Variants in TENM4 observed in about 807,000 individuals in gnomAD.
TENM4 encodes teneurin-4.
A neutral mutation model predicts 243.3 loss-of-function variants in TENM4; 82 were observed. That is an observed-to-expected ratio of 0.34 (90% confidence interval 0.28 to 0.40). The LOEUF is 0.40. Among genes scored for constraint, TENM4 ranks in the 10% least tolerant of loss-of-function variants. The pLI, the probability that TENM4 is intolerant of heterozygous loss-of-function variation, is 1.00. For missense variants in TENM4, 3,138 were observed against 3,673.3 expected, an observed-to-expected ratio of 0.85 and a Z score of 3.77; for synonymous variants, 1,412 against 1,456.3, an observed-to-expected ratio of 0.97 and a Z score of 0.69.
At chr11:79,330,408 A>G (rs1857043165) in intron 1 of TENM4, among the ~76,000 whole-genome samples, 2 of 152,144 alleles carry the variant, frequency 1.3e-5, no homozygotes, top group African/African-American at 4.8e-5. Flanking sequence ...CCTGAAAGGC[A>G]GGGGGCTAGG....
intron 6 of TENM4, chr11:79,021,851 G>C (rs1439238527): frequency 6.6e-6 from 1 of 152,214 alleles, no homozygotes; most frequent in Non-Finnish European, 1.5e-5. Context: ...TAACATTCTA[G>C]AATGCCATGA....
At chr11:78,868,292 C>T (rs1591084526) in intron 9 of TENM4, among the ~76,000 whole-genome samples, 1 of 152,146 alleles carries the variant, frequency 6.6e-6, no homozygotes, top group African/African-American at 2.4e-5. Flanking sequence ...TCCTCAAGTA[C>T]ACTCAAAGTG....
intron 1 of TENM4, among the ~76,000 whole-genome samples, chr11:79,319,429 T>C (rs1453546380): frequency 1.3e-5 from 2 of 152,128 alleles, no homozygotes; most frequent in Admixed American, 6.5e-5. Context: ...AGTGTTTAAA[T>C]GAACAGCATG....
chr11:79,092,601 G>A (rs1860985450), intron 4 of TENM4, among the ~76,000 whole-genome samples: 2 of 152,188 alleles, frequency 1.3e-5, no homozygotes, highest in Non-Finnish European at 2.9e-5. Context: ...AAGGGTTCAT[G>A]CTGCTTATTT....
At chr11:78,899,571 GAAAA>G (rs71473386) in intron 7 of TENM4, among the ~76,000 whole-genome samples, 4 of 79,416 alleles carry the variant, frequency 5.0e-5, no homozygotes, top group Admixed American at 1.5e-4. Context: ...GGGGGGGGGG[GAAAA>G]AGAAAAAAGA....
intron 2 of TENM4, among the ~76,000 whole-genome samples, chr11:79,227,484 A>G (rs1590809747): frequency 6.6e-6 from 1 of 152,198 alleles, no homozygotes; most frequent in Non-Finnish European, 1.5e-5. Context: ...TGTAGCCTCC[A>G]GGACAGTGAA....
chr11:79,373,976 TG>T (rs1857838653), intron 1 of TENM4, among the ~76,000 whole-genome samples: 1 of 152,024 alleles, frequency 6.6e-6, no homozygotes, highest in African/African-American at 2.4e-5. Context: ...CATCCAAGGC[TG>T]GGGCAGGAAA....
intron 12 of TENM4, among the ~76,000 whole-genome samples, chr11:78,846,086 T>C (rs950053764): frequency 6.6e-6 from 1 of 152,152 alleles, no homozygotes; most frequent in South Asian, 2.1e-4. Flanking sequence ...CTCCAGAAAC[T>C]TGGATTTAGA....
At chr11:78,783,281 G>T (rs891432457) in intron 16 of TENM4, among the ~76,000 whole-genome samples, 6 of 152,338 alleles carry the variant, frequency 3.9e-5, no homozygotes, top group South Asian at 2.1e-4. Context: ...TATGCACTTG[G>T]TGACTCTCTG....
At chr11:79,275,363 G>C (rs1856037639) in intron 2 of TENM4, among the ~76,000 whole-genome samples, 1 of 152,166 alleles carries the variant, frequency 6.6e-6, no homozygotes, top group African/African-American at 2.4e-5. Flanking sequence ...GCAAAGTTTG[G>C]TGCTTTTAAG....
chr11:78,787,365 G>A (rs1004746720), intron 15 of TENM4, among the ~76,000 whole-genome samples: 1 of 152,162 alleles, frequency 6.6e-6, no homozygotes, highest in Non-Finnish European at 1.5e-5. Flanking sequence ...AGGATTGTAG[G>A]GCTCTGCTCA....
intron 3 of TENM4, among the ~76,000 whole-genome samples, chr11:79,152,540 G>T (rs1339686580): frequency 1.3e-5 from 2 of 152,186 alleles, no homozygotes; most frequent in Non-Finnish European, 2.9e-5. Flanking sequence ...ACAGCGTCTA[G>T]AACTTTAGCA....
chr11:78,670,972 C>T (rs1284026985), intron 31 of TENM4, among the ~76,000 whole-genome samples: 2 of 152,228 alleles, frequency 1.3e-5, no homozygotes, highest in African/African-American at 4.8e-5. Flanking sequence ...AGCAGTCTGG[C>T]TTCCTTGCCC....
At chr11:78,822,998 T>C (rs1046824142) in intron 12 of TENM4, among the ~76,000 whole-genome samples, 12 of 152,270 alleles carry the variant, frequency 7.9e-5, no homozygotes, top group Middle Eastern at 3.4e-3. Context: ...GAGGTTAGCC[T>C]CCTTCCTGGC....
At position 79,153,034 on chromosome 11, in the gene TENM4, C is replaced by T. The variant is rs189382966; in HGVS notation, c.-162-4228G>A. On this transcript the variant is annotated intron_variant, in intron 3 of 33. Transcript: ENST00000278550. Reference sequence around the variant, plus strand: ...TGGCTTTCCATCACTTGCCTTACTGCGGGGAAAGTTTGTTGTGATGTCTCT... The same window carrying T: ...TGGCTTTCCATCACTTGCCTTACTGTGGGGAAAGTTTGTTGTGATGTCTCT... Among the ~76,000 whole-genome samples the T allele has an allele frequency of 1.1e-4, 16 of 152,198 alleles. No individual in the cohort carries two copies. In the East Asian group the frequency reaches 1.9e-3, roughly 18 times the overall value.
At chr11:79,164,831 AC>A (rs1197167034) in intron 3 of TENM4, among the ~76,000 whole-genome samples, 1 of 151,566 alleles carries the variant, frequency 6.6e-6, no homozygotes, top group Non-Finnish European at 1.5e-5. Flanking sequence ...AGTGCCTTTC[AC>A]CTCGTGCCAT....
Position 79,097,944 on chromosome 11 carries a change from A to G in TENM4, c.-65-27935T>C, listed in dbSNP as rs553447862. 2.1e-3 allele frequency: 326 copies of G among 152,356 alleles called. 1 individual carries two copies. Among genetic ancestry groups the G allele is most frequent in the African/African-American group, 7.4e-3 (307 of 41,582 alleles). 9.4% of individuals were successfully genotyped at this position (152,356 alleles called of 1,614,324 possible). A position where few individuals can be genotyped will look rare whatever the true frequency, so the allele number is the denominator to read the frequency against. On this transcript the variant is annotated intron_variant, in intron 4 of 33. Transcript: ENST00000278550. Reference sequence around the variant, plus strand: ...ACTGACCACCAGCAAATAAAACATGAAACTATACAGATAACTTAGTAAAAC... The same window carrying G: ...ACTGACCACCAGCAAATAAAACATGGAACTATACAGATAACTTAGTAAAAC...
At position 78,657,538 on chromosome 11, in the gene TENM4, G is replaced by A. The variant is rs114477641; in HGVS notation, c.*520C>T. On this transcript the variant is annotated 3_prime_UTR_variant, in exon 34 of 34. Transcript: ENST00000278550. ...GAAGAAATCCACCACTCTTCTGCAG[G>A]AGCCCTGCCAAGGAGCCTCAGGTCC... The A allele has an allele frequency of 2.9e-3, 772 of 262,836 alleles. 8 individuals are homozygous for A. Among genetic ancestry groups the A allele is most frequent in the African/African-American group, 0.016 (707 of 45,340 alleles). 16.3% of individuals were successfully genotyped at this position (262,836 alleles called of 1,614,324 possible). A position where few individuals can be genotyped will look rare whatever the true frequency, so the allele number is the denominator to read the frequency against.
intron 3 of TENM4, among the ~76,000 whole-genome samples, chr11:79,165,839 T>A (rs1436182249): frequency 6.6e-6 from 1 of 152,224 alleles, no homozygotes; most frequent in Non-Finnish European, 1.5e-5. Context: ...GAGGATCCAG[T>A]TTCATTCTTC....
Sources: allele counts gnomAD v4.1 joint callset (sites outside exome capture counted in the v4.1 genomes callset), GRCh38; gene constraint gnomAD v4.1.1; transcripts MANE v1.5; gene names NCBI Gene and HGNC (gene_info 2026-07-23, HGNC 2026-07-21).